CACNA1A: variants seen among roughly 807,000 people sequenced by gnomAD.
CACNA1A encodes voltage-dependent P/Q-type calcium channel subunit alpha-1A.
CACNA1A carries 57 observed loss-of-function variants against 262.4 expected under a neutral mutation model. The observed-to-expected ratio is 0.22, with a 90% CI of 0.18 to 0.27. The LOEUF (loss-of-function observed/expected upper bound fraction) is 0.27. Ranked by LOEUF, CACNA1A falls within the 10% of genes least tolerant of loss-of-function variation. The pLI is 1.00. For missense variants in CACNA1A, 2,526 were observed against 3,562.8 expected, an observed-to-expected ratio of 0.71 and a Z score of 7.41; for synonymous variants, 1,431 against 1,419.3, an observed-to-expected ratio of 1.01 and a Z score of -0.18.
rs79955169 is a variant in CACNA1A, at chr19:13,418,236, A to T, written c.539+34640T>A. On this transcript the variant is annotated intron_variant, in intron 3 of 46. Coordinates refer to ENST00000360228, the MANE Select transcript of CACNA1A (RefSeq NM_001127222.2). ...CTTAGAACAATGGAATGAAGCTTCC[A>T]TGAAGTCAGCTTTCTCAGGTCCACA... Among the ~76,000 whole-genome samples, 584 of 152,256 alleles carry T rather than the reference A, an allele frequency of 3.8e-3. 7 individuals are homozygous for T. The highest frequency in any genetic ancestry group is 0.013 in the African/African-American group (550 of 41,552).
intron 6 of CACNA1A, among the ~76,000 whole-genome samples, chr19:13,355,603 T>C (rs975085068): frequency 2.0e-5 from 3 of 152,128 alleles, no homozygotes; most frequent in African/African-American, 7.2e-5. Context: ...GGGGTATTTA[T>C]CCACTGACTT....
At chr19:13,354,612 G>A (rs1044416853) in intron 6 of CACNA1A, among the ~76,000 whole-genome samples, 32 of 152,194 alleles carry the variant, frequency 2.1e-4, no homozygotes, top group African/African-American at 7.7e-4. Context: ...CCAGACAAGA[G>A]TTCACATGCA....
chr19:13,212,627 T>C lies in CACNA1A; in HGVS notation c.6050+4A>G. On this transcript the variant is annotated splice_donor_region_variant and intron_variant, in intron 41 of 46. Transcript: ENST00000360228. The surrounding 1 kb of genome is among the most constrained non-coding windows in gnomAD (Gnocchi z 5.6). ...TCCACCTCCCTGGCAGGGGTGACAC[T>C]CACAGGGCTCCTCCTGGGTCCAGCT... The C allele has an allele frequency of 6.6e-7, 1 of 1,516,240 alleles. No homozygotes were observed. Among genetic ancestry groups the C allele is most frequent in the Non-Finnish European group, 8.9e-7 (1 of 1,127,262 alleles). The allele number at this position is 1,516,240 out of a possible 1,614,324, so 93.9% of individuals were successfully genotyped here.
intron 3 of CACNA1A, among the ~76,000 whole-genome samples, chr19:13,428,821 T>C (rs889260084): frequency 1.3e-5 from 2 of 152,098 alleles, no homozygotes; most frequent in African/African-American, 2.4e-5. Flanking sequence ...CATGTTTGTA[T>C]TTCTTTGCTT....
chr19:13,262,449 CT>C, intron 25 of CACNA1A: 1 of 346,816 alleles, frequency 2.9e-6, no homozygotes, highest in Non-Finnish European at 5.3e-6. Context: ...CGGTTATACC[CT>C]TTTAAATCCA....
chr19:13,493,880 C>T (rs1357243149), intron 1 of CACNA1A, among the ~76,000 whole-genome samples: 1 of 152,228 alleles, frequency 6.6e-6, no homozygotes, highest in Non-Finnish European at 1.5e-5. Flanking sequence ...CCAACCCATA[C>T]AGCACCACTG....
At chr19:13,339,670 G>A (rs1374436760) in intron 6 of CACNA1A, among the ~76,000 whole-genome samples, 1 of 151,498 alleles carries the variant, frequency 6.6e-6, no homozygotes, top group African/African-American at 2.4e-5. Flanking sequence ...ACGTCACTAT[G>A]TACCCCATGA....
At position 13,224,486 on chromosome 19, in the gene CACNA1A, CA is replaced by C. The variant is rs71168691; in HGVS notation, c.5731+180del. 9.9e-3 allele frequency among the ~76,000 whole-genome samples: 1,122 copies of C among 113,298 alleles called. 8 individuals are homozygous for C. Among genetic ancestry groups the C allele is most frequent in the Admixed American group, 0.012 (132 of 11,032 alleles). 74.3% of individuals were successfully genotyped at this position (113,298 alleles called of 152,430 possible). A position where few individuals can be genotyped will look rare whatever the true frequency, so the allele number is the denominator to read the frequency against. On this transcript the variant is annotated intron_variant, in intron 38 of 46. Transcript: ENST00000360228. ...TGGGCAACAGAGCAAGACTCTGTCT[CA>C]AAAAAAAAAAAAAAAAAACACCAAA...
chr19:13,283,161 G>T, intron 22 of CACNA1A, 106 bp downstream of exon 22: 1 of 1,406,554 alleles, frequency 7.1e-7, no homozygotes, highest in South Asian at 1.3e-5. Context: ...CTATGCCTAG[G>T]GGTGACCCCA....
In CACNA1A at chr19:13,245,250, C is replaced by T; in HGVS notation, c.4882G>A (p.Ala1628Thr). 1 of 1,613,912 alleles carries T rather than the reference C, an allele frequency of 6.2e-7. No individual in the cohort carries two copies. Among genetic ancestry groups the T allele is most frequent in the South Asian group, 1.1e-5 (1 of 91,078 alleles). ...GTCACAAAGTCGAAGATGTTCCAGGCATCGCGGAAATAATTCTAGAATGGG... is the reference window on the plus strand; with the variant it reads ...GTCACAAAGTCGAAGATGTTCCAGGTATCGCGGAAATAATTCTAGAATGGG... ...AFGILNYFRDAWNIFDFVTVL... is the reference protein window; with the variant it reads ...AFGILNYFRDTWNIFDFVTVL... Residue 1628 changes from alanine (A) to threonine (T), a missense_variant, in exon 31 of 47, where the codon GCC becomes ACC. Physicochemically the swap from Ala to Thr is moderately conservative, Grantham distance 58. Coordinates refer to ENST00000360228, the MANE Select transcript of CACNA1A (RefSeq NM_001127222.2).
At position 13,330,747 on chromosome 19, in the gene CACNA1A, C is replaced by T. The variant is rs1208378571; in HGVS notation, c.1256-414G>A. On this transcript the variant is annotated intron_variant, in intron 9 of 46. Coordinates refer to ENST00000360228, the MANE Select transcript of CACNA1A (RefSeq NM_001127222.2). ...CTGAGACTACAGGCATGCACCACCA[C>T]GCCTGGCTAATTTTTGTATTATTAG... Among the ~76,000 whole-genome samples, 3 of 152,168 alleles carry T rather than the reference C, an allele frequency of 2.0e-5. 1 individual carries two copies. The highest frequency in any genetic ancestry group is 4.1e-4 in the South Asian group (2 of 4,834).
At chr19:13,254,700 T>C (rs1350465819) in intron 29 of CACNA1A, among the ~76,000 whole-genome samples, 1 of 152,144 alleles carries the variant, frequency 6.6e-6, no homozygotes, top group Non-Finnish European at 1.5e-5. Context: ...GAGAGCTTCT[T>C]GTTCCGTCTG....
rs773529741 is a variant in CACNA1A, at chr19:13,335,915, G to A, written c.979-6C>T. ...TTCCCTGAGGCATCGTTGCTCTGTA[G>A]GGTGTGAGGAGGGAAAGCAGGTGAG... is the stretch of plus-strand genomic sequence containing the variant. On this transcript the variant is annotated splice_region_variant and splice_polypyrimidine_tract_variant and intron_variant, in intron 6 of 46. Transcript: ENST00000360228. 42 of 1,571,610 alleles carry A rather than the reference G, an allele frequency of 2.7e-5. No homozygotes were observed. Among genetic ancestry groups the A allele is most frequent in the Non-Finnish European group, 3.6e-5 (41 of 1,149,906 alleles).
intron 3 of CACNA1A, among the ~76,000 whole-genome samples, chr19:13,405,545 G>A (rs1401518603): frequency 6.6e-6 from 1 of 152,054 alleles, no homozygotes. Flanking sequence ...TCAACAGTCT[G>A]TAATATTTCT....
chr19:13,329,754 T>G (rs1448805675), intron 10 of CACNA1A, among the ~76,000 whole-genome samples: 2 of 150,978 alleles, frequency 1.3e-5, no homozygotes, highest in Non-Finnish European at 2.9e-5. Flanking sequence ...ATTACAGGCG[T>G]GAGCCACTGT....
chr19:13,345,797 G>A (rs2058752531), intron 6 of CACNA1A, among the ~76,000 whole-genome samples: 1 of 151,924 alleles, frequency 6.6e-6, no homozygotes, highest in Admixed American at 6.6e-5. Flanking sequence ...GATCATGCCA[G>A]GCCTGCTAAT....
chr19:13,243,471 G>T (rs2056136004), intron 31 of CACNA1A, among the ~76,000 whole-genome samples: 1 of 152,186 alleles, frequency 6.6e-6, no homozygotes, highest in Non-Finnish European at 1.5e-5. Context: ...GGAGCTGTCA[G>T]TGTACTCTCA....
intron 19 of CACNA1A, among the ~76,000 whole-genome samples, chr19:13,287,664 G>A (rs1260679520): frequency 2.0e-5 from 3 of 151,772 alleles, no homozygotes; most frequent in Non-Finnish European, 2.9e-5. Flanking sequence ...ACTACGACCG[G>A]CTAATTTTTT....
intron 32 of CACNA1A, 68 bp downstream of exon 32, chr19:13,235,546 C>T: frequency 9.1e-7 from 1 of 1,099,594 alleles, no homozygotes; most frequent in Non-Finnish European, 1.4e-6. Context: ...CTGACTTCTA[C>T]ATTCAGCCAG....
Sources: gnomAD v4.1 joint callset for allele counts (sites outside exome capture counted in the v4.1 genomes callset) on GRCh38, gnomAD v4.1.1 for gene constraint, Gnocchi (gnomAD v3.1) non-coding constraint, MANE v1.5 for transcripts, NCBI Gene and HGNC (gene_info 2026-07-23, HGNC 2026-07-21) for gene names.